The following TMEM154 variants were observed in gnomAD, a reference collection of about 807,000 sequenced individuals.
TMEM154 encodes transmembrane protein 154.
Under a neutral mutation model 24.5 loss-of-function variants are expected in TMEM154, and 27 were observed. The observed-to-expected ratio is 1.10, with a 90% CI of 0.81 to 1.52. The LOEUF (loss-of-function observed/expected upper bound fraction) is 1.52, where lower values mean the gene tolerates loss of function less well. Among genes scored for constraint, TMEM154 ranks in the 40% most tolerant of loss-of-function variants. The pLI, the probability that TMEM154 is intolerant of heterozygous loss-of-function variation, is 0.00. For synonymous variants in TMEM154, 67 were observed against 76.8 expected (o/e 0.87, Z 0.67); for missense variants, 228 against 213.4 (o/e 1.07, Z -0.43).
intron 1 of TMEM154, chr4:152,666,372 G>A (rs1340208248): frequency 6.6e-6 from 1 of 152,200 alleles, no homozygotes; most frequent in Non-Finnish European, 1.5e-5. Context: ...GAATGACTGA[G>A]TTAAATAATA....
chr4:152,656,385 G>A (rs1728493051), intron 1 of TMEM154, among the ~76,000 whole-genome samples: 1 of 152,100 alleles, frequency 6.6e-6, no homozygotes, highest in African/African-American at 2.4e-5. Flanking sequence ...CACCACTGGG[G>A]CCTGAAGACT....
intron 1 of TMEM154, among the ~76,000 whole-genome samples, chr4:152,672,581 T>C (rs1269150605): frequency 2.0e-5 from 3 of 152,232 alleles, no homozygotes. Context: ...AGTAGCCACA[T>C]GGCAGAGGAT....
At chr4:152,667,565 C>T (rs1728745016) in intron 1 of TMEM154, among the ~76,000 whole-genome samples, 1 of 152,068 alleles carries the variant, frequency 6.6e-6, no homozygotes, top group South Asian at 2.1e-4. Context: ...TACATATTTG[C>T]CAATTTTATT....
At chr4:152,657,361 A>G (rs182814707) in intron 1 of TMEM154, among the ~76,000 whole-genome samples, 3 of 151,784 alleles carry the variant, frequency 2.0e-5, no homozygotes, top group Admixed American at 2.0e-4. Context: ...TAAAAATACA[A>G]AAATTAGCTG....
At chr4:152,654,281 C>A (rs1728447480) in intron 1 of TMEM154, among the ~76,000 whole-genome samples, 1 of 152,114 alleles carries the variant, frequency 6.6e-6, no homozygotes, top group Admixed American at 6.5e-5. Context: ...AGATAATTTA[C>A]AAGAAAGTTA....
intron 6 of TMEM154, among the ~76,000 whole-genome samples, chr4:152,635,167 G>A (rs964605015): frequency 6.6e-6 from 1 of 152,162 alleles, no homozygotes; most frequent in Non-Finnish European, 1.5e-5. Context: ...TGCAATTAAT[G>A]GTTAAGTGTT....
chr4:152,641,381 T>C (rs1752253119), intron 5 of TMEM154: 1 of 165,548 alleles, frequency 6.0e-6, no homozygotes, highest in South Asian at 1.7e-4. Flanking sequence ...AGGAAAGAAT[T>C]GGGTAAAGTG....
intron 3 of TMEM154, among the ~76,000 whole-genome samples, chr4:152,650,181 A>C (rs948559239): frequency 6.6e-6 from 1 of 152,230 alleles, no homozygotes; most frequent in Non-Finnish European, 1.5e-5. Flanking sequence ...TCTCTTTCAC[A>C]AAGATTTCTC....
At chr4:152,655,870 G>T (rs1728481605) in intron 1 of TMEM154, among the ~76,000 whole-genome samples, 1 of 152,118 alleles carries the variant, frequency 6.6e-6, no homozygotes, top group South Asian at 2.1e-4. Context: ...CCTGGGGATT[G>T]CTTCACCCCT....
intron 1 of TMEM154, among the ~76,000 whole-genome samples, chr4:152,662,021 T>A (rs1417103336): frequency 1.3e-5 from 2 of 152,256 alleles, no homozygotes; most frequent in African/African-American, 4.8e-5. Flanking sequence ...GATCATTCCA[T>A]GACTGTATAG....
Position 152,624,221 on chromosome 4 carries a change from T to C in TMEM154, c.*4325A>G, listed in dbSNP as rs774187645. ...AGTTCATATAAAGCTCTATTTTACA[T>C]AATTGTATATACTGCTATCTCAGGA... On this transcript the variant is annotated 3_prime_UTR_variant, in exon 7 of 7. Transcript: ENST00000304385. 1 of 152,204 alleles carries C rather than the reference T, an allele frequency of 6.6e-6. No homozygotes were observed. Among genetic ancestry groups the C allele is most frequent in the East Asian group, 1.9e-4 (1 of 5,200 alleles). The allele number at this position is 152,204 out of a possible 1,614,324, so 9.4% of individuals were successfully genotyped here.
chr4:152,654,350 C>T (rs555445645), intron 1 of TMEM154, among the ~76,000 whole-genome samples: 32 of 152,278 alleles, frequency 2.1e-4, no homozygotes, highest in Admixed American at 3.9e-4. Context: ...CCACACTCTG[C>T]GGTATAGGTT....
intron 3 of TMEM154, chr4:152,646,947 G>A (rs1728256411): frequency 2.8e-6 from 2 of 703,308 alleles, no homozygotes; most frequent in Non-Finnish European, 5.2e-6. Context: ...AGCTCTTTCA[G>A]AGAGACCTCA....
intron 1 of TMEM154, among the ~76,000 whole-genome samples, chr4:152,671,575 G>GTT (rs1561058606): frequency 5.3e-5 from 8 of 150,642 alleles, no homozygotes; most frequent in Non-Finnish European, 1.0e-4. Context: ...GTGAAACCCC[G>GTT]TCTCTACTAA....
intron 1 of TMEM154, among the ~76,000 whole-genome samples, chr4:152,659,513 G>C (rs1463738700): frequency 6.6e-6 from 1 of 152,116 alleles, no homozygotes; most frequent in Non-Finnish European, 1.5e-5. Flanking sequence ...TAGAAGACAG[G>C]ACTTGAAATG....
intron 1 of TMEM154, among the ~76,000 whole-genome samples, chr4:152,672,300 GAGAAA>G: frequency 6.6e-6 from 1 of 152,176 alleles, no homozygotes; most frequent in South Asian, 2.1e-4. Context: ...TGTAAGGAGT[GAGAAA>G]AGAAAAGAAC....
chr4:152,675,558 C>G (rs1728937895), intron 1 of TMEM154, among the ~76,000 whole-genome samples: 1 of 151,774 alleles, frequency 6.6e-6, no homozygotes, highest in African/African-American at 2.4e-5. Flanking sequence ...ACCCACAAGG[C>G]AGAGGTTGCG....
At chr4:152,643,302 CTGGG>C in intron 4 of TMEM154, 129 bp from the exon 5 acceptor site, 2 of 685,928 alleles carry the variant, frequency 2.9e-6, no homozygotes, top group Non-Finnish European at 4.9e-6. Context: ...CTAGGGAAGC[CTGGG>C]GGCTTGCCCT....
intron 1 of TMEM154, among the ~76,000 whole-genome samples, chr4:152,654,250 C>G (rs1193191103): frequency 6.6e-6 from 1 of 152,120 alleles, no homozygotes; most frequent in Non-Finnish European, 1.5e-5. Flanking sequence ...TAAGTTGATG[C>G]TACAGAAAAC....
Sources: gnomAD v4.1 joint callset for allele counts (sites outside exome capture counted in the v4.1 genomes callset) on GRCh38, gnomAD v4.1.1 for gene constraint, MANE v1.5 for transcripts, NCBI Gene and HGNC (gene_info 2026-07-23, HGNC 2026-07-21) for gene names.